CLTC: variants seen among roughly 807,000 people sequenced by gnomAD.
CLTC encodes the protein clathrin heavy chain, also known as clathrin heavy chain 1.
CLTC carries 16 observed loss-of-function variants against 195.8 expected under a neutral mutation model. The observed-to-expected ratio is 0.08, with a 90% CI of 0.06 to 0.12. CLTC has a LOEUF of 0.12. Ranked by LOEUF, CLTC falls within the 10% of genes least tolerant of loss-of-function variation. The probability of loss-of-function intolerance (pLI) is 1.00; values close to 1 mark genes in which losing one functional copy is unlikely to be tolerated. For missense variants in CLTC, 796 were observed against 2,027.0 expected (o/e 0.39, Z 11.66); for synonymous variants, 667 against 689.4 (o/e 0.97, Z 0.51).
At chr17:59,668,698 G>GT (rs2032784043) in intron 13 of CLTC, 79 bp from the exon 14 acceptor site, 2 of 1,270,460 alleles carry the variant, frequency 1.6e-6, no homozygotes, top group Middle Eastern at 2.4e-4. Context: ...CAATATAACA[G>GT]TTTTTTAATT....
chr17:59,676,844 G>A, intron 16 of CLTC, 110 bp from the exon 17 acceptor site: 8 of 811,512 alleles, frequency 9.9e-6, no homozygotes, highest in Non-Finnish European at 1.2e-5. Context: ...CGGGGAAAAA[G>A]TATGTGAAAG....
At position 59,681,026 on chromosome 17, in the gene CLTC, G is replaced by A. The variant is rs2143590609; in HGVS notation, c.3034G>A (p.Val1012Ile). The A allele has an allele frequency of 6.2e-7, 1 of 1,613,998 alleles. No individual in the cohort carries two copies. The highest frequency in any genetic ancestry group is 1.1e-5 in the South Asian group (1 of 91,076). ...ACTCATTGAACTGCTGGAGAAAATT[G>A]TCCTTGATAACTCTGTATTCAGTGA... ...NELIELLEKI[V>I]LDNSVFSEHR... is the part of the protein sequence containing the mutation. Residue 1012 changes from valine (V) to isoleucine (I), a missense_variant, in exon 19 of 32, where the codon GTC (valine) becomes ATC (isoleucine). By Grantham distance (29) the Val-to-Ile change is conservative. Around this residue, in one of 9 missense-constraint regions of CLTC, gnomAD observed 160 missense variants for 448.2 expected, o/e 0.36. Transcript: ENST00000269122. The surrounding 1 kb of genome is among the most constrained non-coding windows in gnomAD (Gnocchi z 5.0).
At chr17:59,649,974 G>A (rs1471293968) in intron 4 of CLTC, among the ~76,000 whole-genome samples, 2 of 152,126 alleles carry the variant, frequency 1.3e-5, no homozygotes, top group African/African-American at 4.8e-5. Context: ...AGGTTATTGA[G>A]CCTATTATTT....
intron 16 of CLTC, among the ~76,000 whole-genome samples, chr17:59,675,685 A>G (rs866609005): frequency 7.2e-5 from 11 of 152,072 alleles, no homozygotes; most frequent in Non-Finnish European, 1.5e-4. Flanking sequence ...TTAACATTTA[A>G]TAAGAGGTTC....
In CLTC at chr17:59,664,839, G is replaced by T. The variant is rs1170615563; in HGVS notation, c.1574G>T (p.Ser525Ile). The T allele has an allele frequency of 6.2e-7, 1 of 1,614,098 alleles. No homozygotes were observed. The change falls in exon 10 of 32, where the codon AGT (serine) becomes ATT (isoleucine). Residue 525 changes from serine to isoleucine, a missense_variant. Physicochemically the swap from Ser to Ile is moderately radical, Grantham distance 142 (BLOSUM62 -2). This residue lies in a region of CLTC where 293 missense variants were observed against 795.6 expected (regional missense o/e 0.37). Transcript: ENST00000269122. ...IFLLRNVMRI[S>I]PDQGQQFAQM... ...CTGCTGAGAAATGTAATGCGAATCA[G>T]TCCAGATCAGGGACAGCAGTTTGCC...
chr17:59,683,105 A>G lies in CLTC; in HGVS notation c.3884A>G (p.Tyr1295Cys), dbSNP rs1402160392. ...ELINYYQDRGYFEELITMLEA... is the reference protein window; with the variant it reads ...ELINYYQDRGCFEELITMLEA... Reference sequence around the variant, plus strand: ...ATTTCTCTTGTTCAGGATCGTGGCTATTTTGAAGAGCTGATCACCATGTTG... The same window carrying G: ...ATTTCTCTTGTTCAGGATCGTGGCTGTTTTGAAGAGCTGATCACCATGTTG... The change falls in exon 25 of 32, where the codon TAT (tyrosine) becomes TGT (cysteine). Residue 1295 changes from tyrosine to cysteine, a missense_variant. Tyr to Cys is a radical substitution (Grantham distance 194). Coordinates refer to ENST00000269122, the MANE Select transcript of CLTC (RefSeq NM_004859.4). The surrounding 1 kb of genome is among the most constrained non-coding windows in gnomAD (Gnocchi z 6.1). 1.9e-6 allele frequency: 3 copies of G among 1,613,962 alleles called. No homozygotes were observed. The highest frequency in any genetic ancestry group is 1.3e-5 in the African/African-American group (1 of 74,914).
At chr17:59,634,420 C>G (rs1316161855) in intron 1 of CLTC, among the ~76,000 whole-genome samples, 1 of 152,074 alleles carries the variant, frequency 6.6e-6, no homozygotes, top group African/African-American at 2.4e-5. Flanking sequence ...CCTAATTGAT[C>G]TGATATCATC....
chr17:59,683,694 G>A lies in CLTC; in HGVS notation c.4261G>A (p.Asp1421Asn). 1 of 1,614,176 alleles carries A rather than the reference G, an allele frequency of 6.2e-7. No homozygotes were observed. Among genetic ancestry groups the A allele is most frequent in the Non-Finnish European group, 8.5e-7 (1 of 1,180,028 alleles). ...AGAATTCAAGCCTCTGTTGTTAAAT[G>A]ATTTGCTGATGGTGCTGTCTCCACG... is the stretch of plus-strand genomic sequence containing the variant. ...YLEFKPLLLN[D>N]LLMVLSPRLD... Residue 1421 changes from aspartate (D) to asparagine (N), a missense_variant, in exon 27 of 32, where the codon GAT (aspartate) becomes AAT (asparagine). This residue lies in a region of CLTC where 102 missense variants were observed against 317.6 expected (regional missense o/e 0.32). Coordinates refer to ENST00000269122, the MANE Select transcript of CLTC (RefSeq NM_004859.4). The surrounding 1 kb of genome is among the most constrained non-coding windows in gnomAD (Gnocchi z 6.1).
chr17:59,662,102 T>TAAA (rs200777495), intron 8 of CLTC, among the ~76,000 whole-genome samples: 1 of 138,030 alleles, frequency 7.2e-6, no homozygotes, highest in African/African-American at 2.7e-5. Flanking sequence ...GACTCGGTCT[T>TAAA]AAAAAAAAAA....
intron 1 of CLTC, among the ~76,000 whole-genome samples, chr17:59,634,545 GCTAATAATAGTCTGACAACCT>G (rs1184457655): frequency 1.3e-5 from 2 of 152,198 alleles, no homozygotes; most frequent in African/African-American, 2.4e-5. Flanking sequence ...GTTTACCAAA[GCTAATAATAGTCTGACAACCT>G]CTCTCCAACT....
intron 6 of CLTC, 26 bp downstream of exon 6, chr17:59,656,053 A>C: frequency 3.8e-6 from 6 of 1,581,804 alleles, no homozygotes; most frequent in Non-Finnish European, 4.3e-6. Flanking sequence ...AACTTAAGCA[A>C]TAAAATAAGA....
intron 17 of CLTC, among the ~76,000 whole-genome samples, chr17:59,677,665 G>T (rs1238514837): frequency 6.6e-6 from 1 of 152,140 alleles, no homozygotes; most frequent in Non-Finnish European, 1.5e-5. Flanking sequence ...GTTACCCAAT[G>T]ATGTCCTTTG....
At position 59,683,437 on chromosome 17, in the gene CLTC, G is replaced by A. The variant is rs1310912339; in HGVS notation, c.4092G>A (p.Leu1364=). The change falls in exon 26 of 32, where the codon TTG becomes TTA. Residue 1364 remains leucine, a synonymous_variant. Transcript: ENST00000269122. The surrounding 1 kb of genome is among the most constrained non-coding windows in gnomAD (Gnocchi z 6.1). ...QAHLWAELVF[L]YDKYEEYDNA... ...ATCTTTGGGCAGAACTGGTGTTTTT[G>A]TATGACAAGTATGAAGAATATGATA... The A allele has an allele frequency of 6.2e-7, 1 of 1,613,896 alleles. No individual in the cohort carries two copies. Among genetic ancestry groups the A allele is most frequent in the South Asian group, 1.1e-5 (1 of 91,064 alleles).
At chr17:59,636,525 A>C (rs11079383) in intron 1 of CLTC, among the ~76,000 whole-genome samples, 1 of 150,006 alleles carries the variant, frequency 6.7e-6, no homozygotes, top group African/African-American at 2.5e-5. Context: ...GCGCGATCTC[A>C]GCTCACTGCA....
At chr17:59,658,536 T>C (rs1386907774) in intron 6 of CLTC, 1 of 152,244 alleles carries the variant, frequency 6.6e-6, no homozygotes, top group Non-Finnish European at 1.5e-5. Context: ...TTCTACTCTT[T>C]GCTAAAGTCT....
intron 1 of CLTC, among the ~76,000 whole-genome samples, chr17:59,643,194 A>G (rs1028935155): frequency 6.8e-6 from 1 of 146,326 alleles, no homozygotes; most frequent in Non-Finnish European, 1.5e-5. Flanking sequence ...AATTTATTAT[A>G]TTACCTTTGG....
chr17:59,643,674 C>T (rs965875809), intron 1 of CLTC, among the ~76,000 whole-genome samples: 3 of 152,230 alleles, frequency 2.0e-5, no homozygotes, highest in Non-Finnish European at 4.4e-5. Flanking sequence ...TGCTTTACCA[C>T]ATGCTCTTTC....
At chr17:59,676,341 A>G (rs1047105879) in intron 16 of CLTC, among the ~76,000 whole-genome samples, 3 of 152,176 alleles carry the variant, frequency 2.0e-5, no homozygotes, top group East Asian at 1.9e-4. Context: ...TTTATTCCCA[A>G]TATGTATTTA....
intron 13 of CLTC, 95 bp from the exon 14 acceptor site, chr17:59,668,682 A>G: frequency 9.9e-7 from 1 of 1,005,884 alleles, no homozygotes; most frequent in Non-Finnish European, 1.4e-6. Context: ...TATATTTGGG[A>G]GTATTCAATA....
Sources: allele counts gnomAD v4.1 joint callset (sites outside exome capture counted in the v4.1 genomes callset), GRCh38; gene constraint gnomAD v4.1.1; regional missense constraint gnomAD v4.1.1; non-coding constraint Gnocchi (gnomAD v3.1); transcripts MANE v1.5; gene names NCBI Gene and HGNC (gene_info 2026-07-23, HGNC 2026-07-21).